CTIF: variants seen among roughly 807,000 people sequenced by gnomAD.
The protein encoded by CTIF is cap binding complex dependent translation initiation factor.
In CTIF, 21 loss-of-function variants were observed where a neutral mutation model predicts 66.0. The observed-to-expected ratio is 0.32, with a 90% CI of 0.23 to 0.46. CTIF has a LOEUF of 0.46. CTIF is among the 20% of genes least tolerant of loss of function. The probability of loss-of-function intolerance (pLI) is 1.00; values close to 1 mark genes in which losing one functional copy is unlikely to be tolerated. For synonymous variants in CTIF, 345 were observed against 326.4 expected, an observed-to-expected ratio of 1.06 and a Z score of -0.62; for missense variants, 739 against 812.7, an observed-to-expected ratio of 0.91 and a Z score of 1.10.
At chr18:48,576,940 G>T (rs1189614518) in intron 1 of CTIF, among the ~76,000 whole-genome samples, 2 of 152,214 alleles carry the variant, frequency 1.3e-5, no homozygotes, top group Non-Finnish European at 2.9e-5. Flanking sequence ...TGCTTATGTG[G>T]AATATGTCCT....
chr18:48,611,740 G>T (rs1398706632), intron 1 of CTIF, among the ~76,000 whole-genome samples: 2 of 152,188 alleles, frequency 1.3e-5, no homozygotes, highest in Non-Finnish European at 2.9e-5. Context: ...TTTTTCATGG[G>T]TAGGTGAAAC....
intron 10 of CTIF, among the ~76,000 whole-genome samples, chr18:48,844,196 G>A (rs1483818407): frequency 2.0e-5 from 3 of 152,220 alleles, no homozygotes; most frequent in African/African-American, 7.2e-5. Context: ...GAAGGGATGG[G>A]GAGGGCCTAA....
At chr18:48,716,979 C>A (rs995106145) in intron 7 of CTIF, among the ~76,000 whole-genome samples, 2 of 152,214 alleles carry the variant, frequency 1.3e-5, no homozygotes, top group African/African-American at 4.8e-5. Context: ...GAGCCATCCA[C>A]CTGGCGTGCG....
chr18:48,640,246 C>T lies in CTIF; in HGVS notation c.252+3561C>T, dbSNP rs150413229. Among the ~76,000 whole-genome samples, 386 of 152,366 alleles carry T rather than the reference C, an allele frequency of 2.5e-3. 1 individual carries two copies. The highest frequency in any genetic ancestry group is 0.017 in the Middle Eastern group (5 of 294). ...CTGCACTCACGCGCCCAGGCAGACA[C>T]CCTCACACTGACTCATGCTGTTGCC... is the stretch of plus-strand genomic sequence containing the variant. On this transcript the variant is annotated intron_variant, in intron 3 of 11. Coordinates refer to ENST00000256413, the MANE Select transcript of CTIF (RefSeq NM_014772.3).
chr18:48,812,860 G>A (rs1490217496), intron 9 of CTIF, among the ~76,000 whole-genome samples: 1 of 152,022 alleles, frequency 6.6e-6, no homozygotes, highest in Non-Finnish European at 1.5e-5. Flanking sequence ...TACCCAAAGA[G>A]TCAACTCATT....
intron 6 of CTIF, among the ~76,000 whole-genome samples, chr18:48,702,955 C>A (rs963334559): frequency 1.3e-5 from 2 of 151,892 alleles, no homozygotes; most frequent in African/African-American, 4.8e-5. Context: ...CAGGAGGAAG[C>A]CTCTGCTGTT....
chr18:48,797,022 A>G (rs575406815), intron 9 of CTIF, among the ~76,000 whole-genome samples: 1 of 152,268 alleles, frequency 6.6e-6, no homozygotes, highest in Non-Finnish European at 1.5e-5. Context: ...CCCTCTGCCC[A>G]GGTCTCCAAT....
chr18:48,749,126 C>T (rs1907540217), intron 7 of CTIF, among the ~76,000 whole-genome samples: 2 of 152,324 alleles, frequency 1.3e-5, no homozygotes, highest in African/African-American at 4.8e-5. Context: ...GCTGTTCCAC[C>T]ACACCAAGGT....
At chr18:48,615,933 G>C (rs934349793) in intron 1 of CTIF, among the ~76,000 whole-genome samples, 3 of 152,244 alleles carry the variant, frequency 2.0e-5, no homozygotes, top group Non-Finnish European at 1.5e-5. Context: ...AAAGGCTGCA[G>C]GTTTGGGATG....
intron 9 of CTIF, among the ~76,000 whole-genome samples, chr18:48,811,727 T>C (rs577494361): frequency 6.4e-4 from 97 of 152,310 alleles, no homozygotes; most frequent in African/African-American, 2.2e-3. Flanking sequence ...CGTTGCAGCA[T>C]GTGTCAGAAT....
chr18:48,605,427 G>A (rs978530150), intron 1 of CTIF, among the ~76,000 whole-genome samples: 4 of 152,222 alleles, frequency 2.6e-5, no homozygotes, highest in Non-Finnish European at 4.4e-5. Context: ...GTAGTTTGCA[G>A]ATGGCTGTGG....
At chr18:48,753,742 C>A (rs1908065574) in intron 7 of CTIF, among the ~76,000 whole-genome samples, 1 of 152,190 alleles carries the variant, frequency 6.6e-6, no homozygotes, top group Non-Finnish European at 1.5e-5. Flanking sequence ...GGTTTTTGCC[C>A]TTCTTACTTG....
At chr18:48,548,570 G>A (rs925835194) in intron 1 of CTIF, among the ~76,000 whole-genome samples, 1 of 152,230 alleles carries the variant, frequency 6.6e-6, no homozygotes, top group African/African-American at 2.4e-5. Flanking sequence ...AGCATGCGTT[G>A]CCTTTGCAGC....
chr18:48,727,962 T>C (rs954954624), intron 7 of CTIF, among the ~76,000 whole-genome samples: 1 of 152,214 alleles, frequency 6.6e-6, no homozygotes, highest in Non-Finnish European at 1.5e-5. Context: ...TTTTTTTTAT[T>C]GTGACAGCCC....
chr18:48,688,003 G>A (rs988596270), intron 6 of CTIF, among the ~76,000 whole-genome samples: 1 of 152,218 alleles, frequency 6.6e-6, no homozygotes, highest in African/African-American at 2.4e-5. Context: ...AGAACTTCTG[G>A]TAGCTTTAAT....
chr18:48,742,750 A>T (rs1241986750), intron 7 of CTIF, among the ~76,000 whole-genome samples: 16 of 152,246 alleles, frequency 1.1e-4, no homozygotes, highest in Admixed American at 1.0e-3. Flanking sequence ...CATGCTAGAA[A>T]GTAACTGGGT....
At chr18:48,715,882 T>C (rs894599662) in intron 7 of CTIF, among the ~76,000 whole-genome samples, 2 of 152,200 alleles carry the variant, frequency 1.3e-5, no homozygotes, top group African/African-American at 4.8e-5. Context: ...GGGGAGGTTC[T>C]GAAGTTGGGC....
intron 9 of CTIF, among the ~76,000 whole-genome samples, chr18:48,797,741 CTGGG>C (rs2067959201): frequency 6.6e-6 from 1 of 152,142 alleles, no homozygotes; most frequent in African/African-American, 2.4e-5. Context: ...TTAGTCCTCC[CTGGG>C]TTTCTCTCCT....
intron 1 of CTIF, among the ~76,000 whole-genome samples, chr18:48,550,181 C>A (rs1041722559): frequency 1.3e-5 from 2 of 152,196 alleles, no homozygotes; most frequent in Non-Finnish European, 2.9e-5. Flanking sequence ...CCCAGCAGCT[C>A]CTCCACTTTC....
Sources: allele counts gnomAD v4.1 joint callset (sites outside exome capture counted in the v4.1 genomes callset), GRCh38; gene constraint gnomAD v4.1.1; transcripts MANE v1.5; gene names NCBI Gene and HGNC (gene_info 2026-07-23, HGNC 2026-07-21).